Variants in LRRD1 observed in about 807,000 individuals in gnomAD.
The protein encoded by LRRD1 is leucine-rich repeat and death domain-containing protein 1.
In LRRD1, 49 loss-of-function variants were observed where a neutral mutation model predicts 69.5. The observed-to-expected ratio is 0.70, with a 90% CI of 0.56 to 0.89. The LOEUF is 0.89. Ranked by LOEUF, LRRD1 falls within the 40% of genes least tolerant of loss-of-function variation. The probability of loss-of-function intolerance (pLI) is 0.00; values close to 1 mark genes in which losing one functional copy is unlikely to be tolerated. For synonymous variants in LRRD1, 303 were observed against 338.9 expected (o/e 0.89, Z 1.16); for missense variants, 853 against 956.0 (o/e 0.89, Z 1.42).
Position 92,164,676 on chromosome 7 carries a change from AT to A in LRRD1, c.526del (p.Ile176SerfsTer13). The A allele has an allele frequency of 6.4e-7, 1 of 1,551,406 alleles. No individual in the cohort carries two copies. Among genetic ancestry groups the A allele is most frequent in the Non-Finnish European group, 8.7e-7 (1 of 1,146,790 alleles). ...VKYLYLDKNQ[I>X]KTFQGADSGD... ...TGAGTCTGCCCCTTGAAATGTTTTGATTTGATTCTTGTCTAAATATAGATAT... is the reference window on the plus strand; with the variant it reads ...TGAGTCTGCCCCTTGAAATGTTTTGATTGATTCTTGTCTAAATATAGATAT... On this transcript the variant is annotated frameshift_variant, in exon 2 of 6. Coordinates refer to ENST00000458448, the MANE Select transcript of LRRD1 (RefSeq NM_001161528.2). LOFTEE classifies it high-confidence loss of function.
At position 92,163,806 on chromosome 7, in the gene LRRD1, A is replaced by G; in HGVS notation, c.1397T>C (p.Ile466Thr). ...VPIEIKNCQK[I>T]IKIELSYNKI... ...GTTATAACTCAATTCAATTTTAATT[A>G]TTTTTTGGCAGTTTTTTATTTCAAT... Residue 466 changes from isoleucine (I) to threonine (T), a missense_variant, in exon 2 of 6, where the codon ATA (isoleucine) becomes ACA (threonine). By Grantham distance (89) the Ile-to-Thr change is moderately conservative. Transcript: ENST00000458448. 6.7e-7 allele frequency: 1 copy of G among 1,500,654 alleles called. No homozygotes were observed. The highest frequency in any genetic ancestry group is 8.9e-7 in the Non-Finnish European group (1 of 1,129,456). 93.0% of individuals were successfully genotyped at this position (1,500,654 alleles called of 1,614,324 possible).
rs115098405 is a variant in LRRD1, at chr7:92,165,190, C to T, written c.13G>A (p.Glu5Lys). ...TCCTCTAGCACTTCTGACATACCCT[C>T]CTTTTCAGACATCTTATTTGCTGAT... MSEK[E>K]GMSEVLEDTI... Residue 5 changes from glutamate to lysine, a missense_variant, in exon 2 of 6, where the codon GAG becomes AAG. Around this residue, in one of 3 missense-constraint regions of LRRD1, gnomAD observed 99 missense variants for 107.0 expected, o/e 0.92. Transcript: ENST00000458448. 769 of 1,462,896 alleles carry T rather than the reference C, an allele frequency of 5.3e-4. 7 individuals are homozygous for T. In the African/African-American group the frequency reaches 0.01, roughly 19 times the overall value. 90.6% of individuals were successfully genotyped at this position (1,462,896 alleles called of 1,614,324 possible).
At chr7:92,142,465 G>A (rs1003469767), downstream of LRRD1, 6 of 456,658 alleles carry the variant, frequency 1.3e-5, no homozygotes, top group Non-Finnish European at 1.3e-5. Flanking sequence ...TAACCTACCC[G>A]CAGAAAGAGT....
At position 92,165,044 on chromosome 7, in the gene LRRD1, G is replaced by A; in HGVS notation, c.159C>T (p.Asn53=). The change falls in exon 2 of 6, where the codon AAC becomes AAT. Residue 53 remains asparagine, a synonymous_variant. Transcript: ENST00000458448. ...GTCTAGGATGTGTTTCATAAATCTG[G>A]TTAGAAGATTTCCCTTCCAGGTAAT... ...ASDYLEGKSS[N]QIYETHPRQN... 1.3e-6 allele frequency: 2 copies of A among 1,551,524 alleles called. No individual in the cohort carries two copies. Among genetic ancestry groups the A allele is most frequent in the African/African-American group, 1.4e-5 (1 of 73,138 alleles).
At chr7:92,142,924 C>G, downstream of LRRD1, 1 of 316,764 alleles carries the variant, frequency 3.2e-6, no homozygotes, top group South Asian at 2.6e-5. Context: ...ACAATGCTTC[C>G]GCAGTGTGGA....
Position 92,166,017 on chromosome 7 carries a change from G to C in LRRD1, c.-74-741C>G, listed in dbSNP as rs562088530. Among the ~76,000 whole-genome samples, 6 of 152,194 alleles carry C rather than the reference G, an allele frequency of 3.9e-5. No homozygotes were observed. The East Asian group carries it at 1.2e-3, about 29-fold the overall frequency. On this transcript the variant is annotated intron_variant, in intron 1 of 5. Transcript: ENST00000458448. ...TCAGTACATTATGACAATTTTCCTGGGGGTAGAAGTGAAATGTCTTAAGGA... is the reference window on the plus strand; with the variant it reads ...TCAGTACATTATGACAATTTTCCTGCGGGTAGAAGTGAAATGTCTTAAGGA...
rs746441152 is a variant in LRRD1 at position 92,144,904 on chromosome 7, C to T, written c.2567G>A (p.Arg856His). The T allele has an allele frequency of 4.0e-5, 59 of 1,489,772 alleles. No individual in the cohort carries two copies. Among genetic ancestry groups the T allele is most frequent in the African/African-American group, 3.2e-4 (23 of 71,746 alleles). 92.3% of individuals were successfully genotyped at this position (1,489,772 alleles called of 1,614,324 possible). ...DKITALNLFT[R>H]AIKF Reference sequence around the variant, plus strand: ...ATCCACTGGTTAGAATTTAATTGCACGCGTAAAAAGATTTAAAGCTGTTAT... The same window carrying T: ...ATCCACTGGTTAGAATTTAATTGCATGCGTAAAAAGATTTAAAGCTGTTAT... Residue 856 changes from arginine (R) to histidine (H), a missense_variant, in exon 6 of 6, where the codon CGT becomes CAT. Coordinates refer to ENST00000458448, the MANE Select transcript of LRRD1 (RefSeq NM_001161528.2).
At chr7:92,154,503 C>A (rs1475380989) in intron 3 of LRRD1, among the ~76,000 whole-genome samples, 1 of 152,106 alleles carries the variant, frequency 6.6e-6, no homozygotes, top group African/African-American at 2.4e-5. Context: ...TCTCAGCCTC[C>A]CAAAGTTCTG....
chr7:92,163,806 A>AT lies in LRRD1; in HGVS notation c.1396dup (p.Ile466AsnfsTer3), dbSNP rs756444234. ...GTTATAACTCAATTCAATTTTAATT[A>AT]TTTTTTGGCAGTTTTTTATTTCAAT... is the stretch of plus-strand genomic sequence containing the variant. On this transcript the variant is annotated frameshift_variant, in exon 2 of 6. Transcript: ENST00000458448. LOFTEE classifies it high-confidence loss of function. 2 of 1,500,650 alleles carry AT rather than the reference A, an allele frequency of 1.3e-6. No individual in the cohort carries two copies. The highest frequency in any genetic ancestry group is 1.8e-6 in the Non-Finnish European group (2 of 1,129,454). The allele number at this position is 1,500,650 out of a possible 1,614,324, so 93.0% of individuals were successfully genotyped here.
At chr7:92,175,934 T>C (rs760856070) in intron 1 of LRRD1, among the ~76,000 whole-genome samples, 5 of 152,238 alleles carry the variant, frequency 3.3e-5, no homozygotes, top group Non-Finnish European at 7.3e-5. Flanking sequence ...TTCTGAACTT[T>C]CAGTTCTATT....
chr7:92,148,003 G>A (rs1280498759), intron 4 of LRRD1, among the ~76,000 whole-genome samples: 1 of 151,968 alleles, frequency 6.6e-6, no homozygotes, highest in African/African-American at 2.4e-5. Context: ...TACAATCTCC[G>A]CCTCCTGATT....
chr7:92,161,980 G>A (rs1207828925), intron 2 of LRRD1, among the ~76,000 whole-genome samples: 1 of 152,034 alleles, frequency 6.6e-6, no homozygotes, highest in Admixed American at 6.6e-5. Context: ...AGAGAGTTAA[G>A]GATATAACAT....
rs906061237 is a variant in LRRD1, at chr7:92,164,477, A to G, written c.726T>C (p.Tyr242=). The G allele has an allele frequency of 2.6e-6, 4 of 1,550,024 alleles. No homozygotes were observed. The highest frequency in any genetic ancestry group is 2.7e-5 in the African/African-American group (2 of 72,942). Residue 242 remains tyrosine, a synonymous_variant, in exon 2 of 6, where the codon TAT becomes TAC. Coordinates refer to ENST00000458448, the MANE Select transcript of LRRD1 (RefSeq NM_001161528.2). The part of the protein sequence containing the change: ...QLGNIRQLFF[Y]NNYIENFPSD... ...AAGGAAAATTTTCAATGTAATTGTT[A>G]TAAAAAAAGAGTTGTCTGATATTCC...
intron 3 of LRRD1, among the ~76,000 whole-genome samples, chr7:92,154,539 C>A (rs993320102): frequency 2.1e-4 from 32 of 152,216 alleles, no homozygotes; most frequent in African/African-American, 7.2e-4. Context: ...GCCATGACAC[C>A]CAGCCTTTTA....
chr7:92,144,907 G>T lies in LRRD1; in HGVS notation c.2564C>A (p.Thr855Lys). ...MDKITALNLF[T>K]RAIKF Reference sequence around the variant, plus strand: ...CACTGGTTAGAATTTAATTGCACGCGTAAAAAGATTTAAAGCTGTTATTTT... The same window carrying T: ...CACTGGTTAGAATTTAATTGCACGCTTAAAAAGATTTAAAGCTGTTATTTT... The change falls in exon 6 of 6, where the codon ACG becomes AAG. Residue 855 changes from threonine to lysine, a missense_variant. This residue lies in a region of LRRD1 where 739 missense variants were observed against 808.0 expected (regional missense o/e 0.91). Transcript: ENST00000458448. The T allele has an allele frequency of 6.7e-7, 1 of 1,495,888 alleles. No homozygotes were observed. Among genetic ancestry groups the T allele is most frequent in the Non-Finnish European group, 9.0e-7 (1 of 1,115,152 alleles). 92.7% of individuals were successfully genotyped at this position (1,495,888 alleles called of 1,614,324 possible). A position where few individuals can be genotyped will look rare whatever the true frequency, so the allele number is the denominator to read the frequency against.
rs1332656987 is a variant in LRRD1, at chr7:92,159,039, T to G, written c.2082A>C (p.Leu694=). 2 of 1,546,860 alleles carry G rather than the reference T, an allele frequency of 1.3e-6. No homozygotes were observed. The highest frequency in any genetic ancestry group is 4.0e-5 in the Admixed American group (2 of 49,732). The stretch of plus-strand genomic sequence containing the variant: ...TTAGTTGCTGCAGATCATTTAAAGA[T>G]AGCAAAGATGGTGGAAGATAACTTA... ...NQISYLPPSL[L]SLNDLQQLNL... is the part of the protein sequence containing the mutation. The change falls in exon 3 of 6, where the codon CTA becomes CTC. Residue 694 remains leucine, a synonymous_variant. Transcript: ENST00000458448.
chr7:92,167,098 TC>T (rs1267037477), intron 1 of LRRD1, among the ~76,000 whole-genome samples: 1 of 150,596 alleles, frequency 6.6e-6, no homozygotes, highest in East Asian at 2.2e-4. Flanking sequence ...CAATTTTCTT[TC>T]TTTTTTTTTT....
chr7:92,145,891 C>T (rs1820312989), intron 5 of LRRD1, among the ~76,000 whole-genome samples, 192 bp downstream of exon 5: 1 of 152,184 alleles, frequency 6.6e-6, no homozygotes, highest in Admixed American at 6.5e-5. Context: ...TCAGTCTGTC[C>T]TCATAGCCTT....
chr7:92,145,103 G>C, intron 5 of LRRD1, 29 bp from the exon 6 acceptor site: 1 of 1,078,784 alleles, frequency 9.3e-7, no homozygotes, highest in Non-Finnish European at 1.2e-6. Flanking sequence ...AATATTAATA[G>C]TTAAATATTT....
Sources: gnomAD v4.1 joint callset for allele counts (sites outside exome capture counted in the v4.1 genomes callset) on GRCh38, gnomAD v4.1.1 for gene constraint, gnomAD v4.1.1 regional missense constraint, MANE v1.5 for transcripts, NCBI Gene and HGNC (gene_info 2026-07-23, HGNC 2026-07-21) for gene names.